The following ASIC2 variants were observed in gnomAD, a reference collection of about 807,000 sequenced individuals.
ASIC2 encodes acid-sensing ion channel 2.
ASIC2 carries 25 observed loss-of-function variants against 57.3 expected under a neutral mutation model. That is an observed-to-expected ratio of 0.44 (90% CI 0.32 to 0.61). The LOEUF (loss-of-function observed/expected upper bound fraction) is 0.61, where lower values mean the gene tolerates loss of function less well. ASIC2 is among the 20% of genes least tolerant of loss of function. ASIC2 has a pLI of 0.06. For synonymous variants in ASIC2, 319 were observed against 307.5 expected (o/e 1.04, Z -0.39); for missense variants, 641 against 738.1 (o/e 0.87, Z 1.52).
At chr17:34,088,113 G>T (rs540938446) in intron 1 of ASIC2, among the ~76,000 whole-genome samples, 2 of 152,190 alleles carry the variant, frequency 1.3e-5, no homozygotes, top group African/African-American at 4.8e-5. Flanking sequence ...GAGGAGAGGC[G>T]CTCTGATTTT....
chr17:33,207,172 G>A (rs769733574), intron 1 of ASIC2, among the ~76,000 whole-genome samples: 15 of 152,208 alleles, frequency 9.9e-5, no homozygotes, highest in African/African-American at 2.2e-4. Context: ...CAATATCCCC[G>A]TCCTTAAGCG....
intron 1 of ASIC2, among the ~76,000 whole-genome samples, chr17:34,100,318 T>C (rs972593075): frequency 1.3e-5 from 2 of 152,038 alleles, no homozygotes; most frequent in Non-Finnish European, 2.9e-5. Flanking sequence ...TGGTTTATAA[T>C]GCAGTTTGTT....
chr17:33,110,988 A>G (rs560856967), intron 2 of ASIC2, among the ~76,000 whole-genome samples: 1 of 152,058 alleles, frequency 6.6e-6, no homozygotes, highest in South Asian at 2.1e-4. Context: ...CCTTAAATCC[A>G]TGGTTCCCAG....
intron 1 of ASIC2, among the ~76,000 whole-genome samples, chr17:33,712,636 CTTTTTTT>C (rs60673332): frequency 1.1e-4 from 7 of 63,590 alleles, no homozygotes; most frequent in African/African-American, 1.7e-4. Context: ...ACTCATATGG[CTTTTTTT>C]TTTTTTTTTT....
intron 1 of ASIC2, among the ~76,000 whole-genome samples, chr17:33,893,623 T>C (rs1327765045): frequency 6.6e-6 from 1 of 152,198 alleles, no homozygotes; most frequent in African/African-American, 2.4e-5. Flanking sequence ...ATGGAGGTCA[T>C]GGTCTGGGTA....
intron 3 of ASIC2, among the ~76,000 whole-genome samples, chr17:33,065,411 G>C (rs1292930050): frequency 7.9e-5 from 12 of 151,732 alleles, no homozygotes; most frequent in Admixed American, 7.9e-4. Flanking sequence ...CTGAGCTCAA[G>C]CAGTTTTCCC....
intron 1 of ASIC2, among the ~76,000 whole-genome samples, chr17:33,642,141 C>T (rs1906586217): frequency 6.6e-6 from 1 of 151,726 alleles, no homozygotes; most frequent in South Asian, 2.1e-4. Flanking sequence ...GGCCCATGGC[C>T]CATAAACTAT....
intron 1 of ASIC2, among the ~76,000 whole-genome samples, chr17:33,970,908 G>A (rs548302319): frequency 1.8e-4 from 28 of 152,222 alleles, no homozygotes; most frequent in African/African-American, 6.0e-4. Flanking sequence ...TGAGTCACTC[G>A]TGCTGACAGC....
At chr17:33,860,039 C>A (rs1914064323) in intron 1 of ASIC2, among the ~76,000 whole-genome samples, 1 of 152,086 alleles carries the variant, frequency 6.6e-6, no homozygotes, top group African/African-American at 2.4e-5. Flanking sequence ...TTGGGGACAG[C>A]AGCTTGGGGT....
intron 1 of ASIC2, among the ~76,000 whole-genome samples, chr17:33,760,759 T>G (rs907321329): frequency 6.6e-6 from 1 of 152,128 alleles, no homozygotes; most frequent in South Asian, 2.1e-4. Flanking sequence ...TTTACTTTGA[T>G]GAGGGAGTTG....
chr17:33,382,895 G>A (rs1909539346), intron 1 of ASIC2, among the ~76,000 whole-genome samples: 8 of 152,050 alleles, frequency 5.3e-5, no homozygotes, highest in Admixed American at 5.2e-4. Flanking sequence ...ATTTCTTACT[G>A]TTTCCCAGAC....
At chr17:33,146,079 G>A (rs192295207) in intron 1 of ASIC2, among the ~76,000 whole-genome samples, 3 of 152,322 alleles carry the variant, frequency 2.0e-5, no homozygotes, top group Non-Finnish European at 4.4e-5. Flanking sequence ...TTTAGTCTCA[G>A]AAATATTCTT....
chr17:33,289,614 G>A (rs1497365), intron 1 of ASIC2, among the ~76,000 whole-genome samples: 76,295 of 152,084 alleles, frequency 0.5, 19,362 homozygotes, highest in East Asian at 0.76. Context: ...GGTATGCAAA[G>A]TTGGACTTTG....
intron 1 of ASIC2, among the ~76,000 whole-genome samples, chr17:33,178,728 A>C (rs1055676386): frequency 1.3e-5 from 2 of 152,196 alleles, no homozygotes; most frequent in Non-Finnish European, 2.9e-5. Flanking sequence ...ATCAGTTTCC[A>C]ATGTTCCTTT....
intron 1 of ASIC2, among the ~76,000 whole-genome samples, chr17:33,455,416 C>G (rs1912413708): frequency 6.6e-6 from 1 of 152,178 alleles, no homozygotes; most frequent in Non-Finnish European, 1.5e-5. Flanking sequence ...CATTTAGCTC[C>G]CACTTATAAA....
intron 1 of ASIC2, among the ~76,000 whole-genome samples, chr17:33,899,124 T>C (rs1915176262): frequency 1.1e-5 from 1 of 94,922 alleles, no homozygotes. Context: ...CGAGACTCCA[T>C]CTCAGGAAAA....
Position 33,640,714 on chromosome 17 carries a change from G to A in ASIC2, c.555+515264C>T, listed in dbSNP as rs146900425. Among the ~76,000 whole-genome samples the A allele has an allele frequency of 2.7e-3, 407 of 152,334 alleles. 2 individuals carry two copies. The highest frequency in any genetic ancestry group is 9.2e-3 in the African/African-American group (383 of 41,572). On this transcript the variant is annotated intron_variant, in intron 1 of 9. Coordinates refer to the ASIC2 transcript ENST00000359872. ...CAATGTTAGTTATTTAGGAACCTGC[G>A]TGTAGTTCCCATTCTGCGGTGTGGA...
intron 1 of ASIC2, among the ~76,000 whole-genome samples, chr17:33,941,182 C>G (rs144439726): frequency 1.2e-4 from 18 of 152,282 alleles, no homozygotes; most frequent in Admixed American, 3.9e-4. Flanking sequence ...AGGGGCCAGA[C>G]GAGCCTCCAG....
rs559119737 is a variant in ASIC2, at chr17:33,992,361, G to A, written c.555+163617C>T. On this transcript the variant is annotated intron_variant, in intron 1 of 9. Transcript: ENST00000359872. ...AAGCCATTAGAGAAAAACAAAAGGG[G>A]ACACCTGAGAAAATTGATTTCTAAG... is the stretch of plus-strand genomic sequence containing the variant. 5.9e-5 allele frequency among the ~76,000 whole-genome samples: 9 copies of A among 152,236 alleles called. 1 individual carries two copies. In the South Asian group the frequency reaches 1.0e-3, roughly 18 times the overall value.
Sources: allele counts gnomAD v4.1 joint callset (sites outside exome capture counted in the v4.1 genomes callset), GRCh38; gene constraint gnomAD v4.1.1; transcripts MANE v1.5; gene names NCBI Gene and HGNC (gene_info 2026-07-23, HGNC 2026-07-21).